Variants in GPC5 observed in about 807,000 individuals in gnomAD.
The protein encoded by GPC5 is glypican 5.
GPC5 carries 47 observed loss-of-function variants against 53.9 expected under a neutral mutation model. That is an observed-to-expected ratio of 0.87 (90% CI 0.69 to 1.11). GPC5 has a LOEUF of 1.11. Ranked by LOEUF, GPC5 falls within the 50% of genes most tolerant of loss-of-function variation. The pLI is 0.00. For synonymous variants in GPC5, 286 were observed against 263.3 expected (o/e 1.09, Z -0.84); for missense variants, 748 against 713.1 (o/e 1.05, Z -0.56).
chr13:92,817,408 C>T (rs1160322540), intron 7 of GPC5, among the ~76,000 whole-genome samples: 2 of 151,904 alleles, frequency 1.3e-5, no homozygotes, highest in African/African-American at 2.4e-5. Context: ...AAGTCCTTCA[C>T]CAAAACTATA....
intron 2 of GPC5, among the ~76,000 whole-genome samples, chr13:91,609,715 C>T (rs184679304): frequency 9.3e-4 from 142 of 152,278 alleles, no homozygotes; most frequent in South Asian, 1.7e-3. Flanking sequence ...TGTGCCTACC[C>T]CACTTTGCTC....
At position 92,388,958 on chromosome 13, in the gene GPC5, T is replaced by C. The variant is rs113569971; in HGVS notation, c.1561+243969T>C. On this transcript the variant is annotated intron_variant, in intron 7 of 7. Coordinates refer to ENST00000377067, the MANE Select transcript of GPC5 (RefSeq NM_004466.6). ...GTCTTGATCAACCAGAGTAACCTTG[T>C]CTGATGTTGATATTCTGTGAAGTTG... Among the ~76,000 whole-genome samples, 285 of 152,238 alleles carry C rather than the reference T, an allele frequency of 1.9e-3. 2 individuals carry two copies. The highest frequency in any genetic ancestry group is 6.6e-3 in the African/African-American group (274 of 41,568).
At chr13:91,976,048 A>T (rs2040297576) in intron 6 of GPC5, among the ~76,000 whole-genome samples, 1 of 151,918 alleles carries the variant, frequency 6.6e-6, no homozygotes, top group African/African-American at 2.4e-5. Context: ...GCATGTTCTC[A>T]CTCATAGCTA....
intron 7 of GPC5, among the ~76,000 whole-genome samples, chr13:92,758,468 A>G (rs997254650): frequency 6.6e-6 from 1 of 152,074 alleles, no homozygotes; most frequent in Admixed American, 6.6e-5. Context: ...TAAAACTTAA[A>G]GTATAATAAT....
chr13:92,094,214 T>A (rs2041402793), intron 6 of GPC5, among the ~76,000 whole-genome samples: 1 of 152,156 alleles, frequency 6.6e-6, no homozygotes, highest in African/African-American at 2.4e-5. Flanking sequence ...CCTAAAGTTG[T>A]AAATATTTAA....
chr13:91,985,165 T>C (rs1275826718), intron 6 of GPC5, among the ~76,000 whole-genome samples: 1 of 152,210 alleles, frequency 6.6e-6, no homozygotes, highest in Non-Finnish European at 1.5e-5. Flanking sequence ...TTAGGATTAC[T>C]TTATGTTTTT....
chr13:91,705,759 A>G (rs2036087771), intron 3 of GPC5, among the ~76,000 whole-genome samples: 1 of 149,176 alleles, frequency 6.7e-6, no homozygotes, highest in African/African-American at 2.4e-5. Flanking sequence ...GTAACTGTTA[A>G]GAAAAATTAC....
intron 7 of GPC5, among the ~76,000 whole-genome samples, chr13:92,150,273 C>A (rs2041898106): frequency 6.7e-6 from 1 of 148,962 alleles, no homozygotes; most frequent in Admixed American, 6.8e-5. Flanking sequence ...TAAAACCCTG[C>A]ATGATAAAAC....
chr13:92,115,469 C>T (rs2138934368), intron 6 of GPC5, among the ~76,000 whole-genome samples: 1 of 152,236 alleles, frequency 6.6e-6, no homozygotes, highest in African/African-American at 2.4e-5. Context: ...TTGGCCACTG[C>T]ACTCCAACCT....
chr13:92,321,681 G>A (rs960851011), intron 7 of GPC5, among the ~76,000 whole-genome samples: 2 of 152,024 alleles, frequency 1.3e-5, no homozygotes, highest in Non-Finnish European at 2.9e-5. Flanking sequence ...AATTATTGAT[G>A]GGAAAAACAT....
At chr13:92,369,609 A>G (rs2043634206) in intron 7 of GPC5, among the ~76,000 whole-genome samples, 1 of 152,254 alleles carries the variant, frequency 6.6e-6, no homozygotes, top group African/African-American at 2.4e-5. Context: ...CTATTGTAGG[A>G]AAACTGCTTT....
At chr13:92,022,692 A>G (rs2040768989) in intron 6 of GPC5, among the ~76,000 whole-genome samples, 1 of 152,038 alleles carries the variant, frequency 6.6e-6, no homozygotes, top group Non-Finnish European at 1.5e-5. Flanking sequence ...TTTTACAACT[A>G]AAACTCCTAG....
At chr13:91,956,698 A>G (rs1482139282) in intron 6 of GPC5, among the ~76,000 whole-genome samples, 2 of 152,208 alleles carry the variant, frequency 1.3e-5, no homozygotes, top group Non-Finnish European at 2.9e-5. Flanking sequence ...GAAATCAGAG[A>G]CAATACTACC....
intron 2 of GPC5, among the ~76,000 whole-genome samples, chr13:91,565,205 G>T (rs977426318): frequency 5.3e-5 from 8 of 152,206 alleles, no homozygotes; most frequent in African/African-American, 1.4e-4. Flanking sequence ...GGCCAGGCTG[G>T]TCTTGAACTC....
intron 7 of GPC5, among the ~76,000 whole-genome samples, chr13:92,449,805 G>T (rs553318899): frequency 2.0e-5 from 3 of 152,070 alleles, no homozygotes; most frequent in South Asian, 2.1e-4. Context: ...AAATTATTTA[G>T]CATATGTTTC....
At chr13:91,977,976 AAAG>A (rs2040321530) in intron 6 of GPC5, among the ~76,000 whole-genome samples, 8 of 147,918 alleles carry the variant, frequency 5.4e-5, no homozygotes, top group African/African-American at 2.1e-4. Context: ...AGAAAGAAAG[AAAG>A]AAAGAAAAGA....
At chr13:91,773,602 C>T (rs897387521) in intron 5 of GPC5, among the ~76,000 whole-genome samples, 1 of 152,100 alleles carries the variant, frequency 6.6e-6, no homozygotes, top group Admixed American at 6.6e-5. Flanking sequence ...AAAGATTTCT[C>T]CATGTTTTGA....
At chr13:92,286,898 G>C (rs1243822619) in intron 7 of GPC5, among the ~76,000 whole-genome samples, 1 of 151,968 alleles carries the variant, frequency 6.6e-6, no homozygotes, top group East Asian at 1.9e-4. Context: ...AATATCACTA[G>C]TAAAAAAGAA....
intron 7 of GPC5, among the ~76,000 whole-genome samples, chr13:92,704,408 C>T (rs1887870642): frequency 6.6e-6 from 1 of 151,872 alleles, no homozygotes; most frequent in Admixed American, 6.6e-5. Flanking sequence ...CCAACCAAAA[C>T]AATTAAAAAG....
Sources: allele counts gnomAD v4.1 joint callset (sites outside exome capture counted in the v4.1 genomes callset), GRCh38; gene constraint gnomAD v4.1.1; transcripts MANE v1.5; gene names NCBI Gene and HGNC (gene_info 2026-07-23, HGNC 2026-07-21).